The following RBPMS variants were observed in gnomAD, a reference collection of about 807,000 sequenced individuals.
RBPMS encodes the protein RNA binding protein, mRNA processing factor, also known as RNA-binding protein with multiple splicing.
In RBPMS, 7 loss-of-function variants were observed where a neutral mutation model predicts 26.8. The ratio of observed to expected loss-of-function variants is 0.26; its 90% CI spans 0.15 to 0.49. The LOEUF (loss-of-function observed/expected upper bound fraction) is 0.49. Among genes scored for constraint, RBPMS ranks in the 20% least tolerant of loss-of-function variants. The pLI, the probability that RBPMS is intolerant of heterozygous loss-of-function variation, is 0.98. For missense variants in RBPMS, 186 were observed against 250.0 expected, an observed-to-expected ratio of 0.74 and a Z score of 1.73; for synonymous variants, 96 against 93.3, an observed-to-expected ratio of 1.03 and a Z score of -0.17.
rs185063757 is a variant in RBPMS, at chr8:30,508,168, G to A, written c.397+3732G>A. Among the ~76,000 whole-genome samples, 368 of 152,222 alleles carry A rather than the reference G, an allele frequency of 2.4e-3. 1 individual carries two copies. The highest frequency in any genetic ancestry group is 8.5e-3 in the African/African-American group (354 of 41,530). The stretch of plus-strand genomic sequence containing the variant: ...AGAGACACCAGGTATGTATATACAC[G>A]GAGGAAGGGCCGTGTGAGGACAGAG... On this transcript the variant is annotated intron_variant, in intron 5 of 8. Transcript: ENST00000397323.
chr8:30,567,975 AC>A (rs1828013200), intron 8 of RBPMS, among the ~76,000 whole-genome samples: 1 of 152,096 alleles, frequency 6.6e-6, no homozygotes. Context: ...TATGTGACCT[AC>A]CCTTGGAGGG....
rs577033846 is a variant in RBPMS at position 30,557,767 on chromosome 8, A to G, written c.529-1120A>G. 2.0e-4 allele frequency among the ~76,000 whole-genome samples: 31 copies of G among 152,370 alleles called. 1 individual carries two copies. The highest frequency in any genetic ancestry group is 1.2e-3 in the South Asian group (6 of 4,830). Reference sequence around the variant, plus strand: ...ACCATGCCGCCTCCATGTGAAAGGAAGAGCAGTGGGAGGCGGGCATCTCTT... The same window carrying G: ...ACCATGCCGCCTCCATGTGAAAGGAGGAGCAGTGGGAGGCGGGCATCTCTT... On this transcript the variant is annotated intron_variant, in intron 6 of 8. Coordinates refer to ENST00000397323, the MANE Select transcript of RBPMS (RefSeq NM_001008710.3).
intron 1 of RBPMS, among the ~76,000 whole-genome samples, chr8:30,424,732 A>G (rs1008480954): frequency 2.6e-5 from 4 of 152,192 alleles, no homozygotes; most frequent in African/African-American, 9.7e-5. Flanking sequence ...TGATCTAGAA[A>G]GAAGGCCCTT....
At chr8:30,556,157 A>C in intron 6 of RBPMS, 1 of 985,356 alleles carries the variant, frequency 1.0e-6, no homozygotes, top group Non-Finnish European at 1.2e-6. Flanking sequence ...AAGAGCAATG[A>C]ATTCAGGGGT....
chr8:30,486,369 A>C (rs1446340333), intron 4 of RBPMS, among the ~76,000 whole-genome samples: 6 of 97,874 alleles, frequency 6.1e-5, no homozygotes, highest in Admixed American at 3.8e-4. Context: ...TAACATAAAA[A>C]AAAAACAAAA....
chr8:30,463,172 T>A (rs1001927047), intron 1 of RBPMS, among the ~76,000 whole-genome samples: 1 of 152,222 alleles, frequency 6.6e-6, no homozygotes, highest in South Asian at 2.1e-4. Flanking sequence ...TTCTGAGCCC[T>A]TACTATGAAC....
intron 1 of RBPMS, among the ~76,000 whole-genome samples, chr8:30,441,859 G>A (rs62502002): frequency 0.042 from 6,347 of 152,052 alleles, 194 homozygotes; most frequent in Non-Finnish European, 0.067. Flanking sequence ...GCACAGTCTC[G>A]GCTCACTGCA....
At chr8:30,500,492 G>A (rs567925758) in intron 4 of RBPMS, among the ~76,000 whole-genome samples, 60 of 152,036 alleles carry the variant, frequency 3.9e-4, no homozygotes, top group African/African-American at 1.3e-3. Context: ...TAACTTTAGC[G>A]CAGAACCATT....
intron 2 of RBPMS, among the ~76,000 whole-genome samples, chr8:30,475,189 G>A (rs1817554180): frequency 6.6e-6 from 1 of 152,000 alleles, no homozygotes; most frequent in African/African-American, 2.4e-5. Flanking sequence ...TTTTTCCATG[G>A]CAAAACTTTC....
chr8:30,482,848 G>C (rs1585617261), intron 4 of RBPMS, among the ~76,000 whole-genome samples: 2 of 152,110 alleles, frequency 1.3e-5, no homozygotes, highest in Non-Finnish European at 1.5e-5. Context: ...CTAAAGGAAG[G>C]GGGCACTGAA....
In RBPMS at chr8:30,518,366, C is replaced by G. The variant is rs575210783; in HGVS notation, c.397+13930C>G. On this transcript the variant is annotated intron_variant, in intron 5 of 8. Coordinates refer to ENST00000397323, the MANE Select transcript of RBPMS (RefSeq NM_001008710.3). ...GTGGTTGTGGTAGAATCCAGGACCT[C>G]GAGGTTGTAGGCAGTTAGCTAGGAG... 3.3e-5 allele frequency among the ~76,000 whole-genome samples: 5 copies of G among 152,114 alleles called. No homozygotes were observed. In the East Asian group the frequency reaches 9.7e-4, roughly 29 times the overall value.
intron 1 of RBPMS, among the ~76,000 whole-genome samples, chr8:30,438,932 C>G (rs1331104446): frequency 1.3e-5 from 2 of 152,238 alleles, no homozygotes; most frequent in East Asian, 3.9e-4. Flanking sequence ...TGCCACCACA[C>G]CCGGCTAATT....
intron 1 of RBPMS, among the ~76,000 whole-genome samples, chr8:30,446,765 GGACTACAGGCACAT>G (rs1390242159): frequency 6.6e-6 from 1 of 150,380 alleles, no homozygotes; most frequent in Non-Finnish European, 1.5e-5. Context: ...CAAGTAGCTG[GGACTACAGGCACAT>G]GCCACCACAC....
At chr8:30,508,150 C>T (rs932751131) in intron 5 of RBPMS, among the ~76,000 whole-genome samples, 1 of 152,042 alleles carries the variant, frequency 6.6e-6, no homozygotes, top group African/African-American at 2.4e-5. Context: ...AAAAGAGACA[C>T]CAGGTATGTA....
At chr8:30,486,635 AAAAAAAT>A (rs928657524) in intron 4 of RBPMS, among the ~76,000 whole-genome samples, 24 of 42,936 alleles carry the variant, frequency 5.6e-4, no homozygotes, top group Middle Eastern at 0.015. Flanking sequence ...TCTCTCTCAA[AAAAAAAT>A]AAAAAAATAA....
intron 4 of RBPMS, among the ~76,000 whole-genome samples, chr8:30,484,053 A>G (rs1285464575): frequency 6.6e-6 from 1 of 152,226 alleles, no homozygotes; most frequent in Non-Finnish European, 1.5e-5. Context: ...TGCAGTGAAC[A>G]CTGATGTGTA....
chr8:30,453,392 CTCAT>C (rs1347476489), intron 1 of RBPMS, among the ~76,000 whole-genome samples: 1 of 152,102 alleles, frequency 6.6e-6, no homozygotes, highest in African/African-American at 2.4e-5. Context: ...GTAGGAAGCA[CTCAT>C]TAATTAATCA....
chr8:30,425,322 G>A (rs760220528), intron 1 of RBPMS, among the ~76,000 whole-genome samples: 2 of 152,016 alleles, frequency 1.3e-5, no homozygotes, highest in South Asian at 2.1e-4. Flanking sequence ...ATATTGAAAC[G>A]TATATATAGC....
chr8:30,547,554 A>T, intron 6 of RBPMS: 3 of 1,380,214 alleles, frequency 2.2e-6, no homozygotes, highest in Non-Finnish European at 2.9e-6. Context: ...TTTCATGGTG[A>T]TGCAATTTTG....
Sources: allele counts gnomAD v4.1 joint callset (sites outside exome capture counted in the v4.1 genomes callset), GRCh38; gene constraint gnomAD v4.1.1; transcripts MANE v1.5; gene names NCBI Gene and HGNC (gene_info 2026-07-23, HGNC 2026-07-21).